The following SEMA3C variants were observed in gnomAD, a reference collection of about 807,000 sequenced individuals.
SEMA3C encodes semaphorin-3C.
SEMA3C carries 47 observed loss-of-function variants against 89.4 expected under a neutral mutation model. That is an observed-to-expected ratio of 0.53 (90% confidence interval 0.42 to 0.67). SEMA3C has a LOEUF of 0.67. Among genes scored for constraint, SEMA3C ranks in the 30% least tolerant of loss-of-function variants. The probability of loss-of-function intolerance (pLI) is 0.00; values close to 1 mark genes in which losing one functional copy is unlikely to be tolerated. For synonymous variants in SEMA3C, 310 were observed against 320.2 expected, an observed-to-expected ratio of 0.97 and a Z score of 0.34; for missense variants, 839 against 929.1, an observed-to-expected ratio of 0.90 and a Z score of 1.26.
chr7:80,880,328 A>G (rs1791303616), intron 2 of SEMA3C, among the ~76,000 whole-genome samples: 1 of 152,104 alleles, frequency 6.6e-6, no homozygotes, highest in Admixed American at 6.6e-5. Context: ...AGTGTTTTTT[A>G]TCTGTCTCCT....
chr7:80,867,945 G>C (rs1343910548), intron 2 of SEMA3C, among the ~76,000 whole-genome samples: 1 of 152,162 alleles, frequency 6.6e-6, no homozygotes, highest in African/African-American at 2.4e-5. Context: ...TGTCTAAAGA[G>C]GATGGCCATT....
chr7:80,789,394 A>C lies in SEMA3C; in HGVS notation c.1266T>G (p.Arg422=), dbSNP rs778543422. Residue 422 remains arginine (R), a synonymous_variant, in exon 12 of 18, where the codon CGT becomes CGG. Coordinates refer to ENST00000265361, the MANE Select transcript of SEMA3C (RefSeq NM_006379.5). ...YPIHKRPLIV[R]IGTDYKYTKI... ...TTGTATACTTGTAGTCAGTGCCAAT[A>C]CGAACAATCAAAGGCCTTTTGTGGA... The C allele has an allele frequency of 6.2e-7, 1 of 1,613,988 alleles. No homozygotes were observed. Among genetic ancestry groups the C allele is most frequent in the Admixed American group, 1.7e-5 (1 of 60,006 alleles).
At chr7:80,825,328 G>A (rs552083192) in intron 4 of SEMA3C, among the ~76,000 whole-genome samples, 10 of 152,184 alleles carry the variant, frequency 6.6e-5, no homozygotes, top group African/African-American at 2.4e-4. Flanking sequence ...AATGTTGTAT[G>A]GACAAACAAA....
upstream of SEMA3C, among the ~76,000 whole-genome samples, chr7:80,921,650 T>A (rs1386778824): frequency 3.3e-5 from 5 of 152,170 alleles, no homozygotes; most frequent in Non-Finnish European, 5.9e-5. Flanking sequence ...CACAACTAAA[T>A]TTAGAGAGCA....
chr7:80,881,519 A>G (rs541088517), intron 2 of SEMA3C, among the ~76,000 whole-genome samples: 1 of 152,302 alleles, frequency 6.6e-6, no homozygotes, highest in South Asian at 2.1e-4. Flanking sequence ...AATTTCTGGC[A>G]TCACTGGAGG....
At chr7:80,794,634 ACT>A (rs1410037917) in intron 11 of SEMA3C, among the ~76,000 whole-genome samples, 1 of 152,096 alleles carries the variant, frequency 6.6e-6, no homozygotes, top group Non-Finnish European at 1.5e-5. Flanking sequence ...GAAGCACATG[ACT>A]CTGTTATACT....
chr7:80,921,821 T>C (rs1326833894), upstream of SEMA3C, among the ~76,000 whole-genome samples: 3 of 152,192 alleles, frequency 2.0e-5, no homozygotes, highest in African/African-American at 7.2e-5. Flanking sequence ...TAATATTTTA[T>C]GTTTTTGATG....
At chr7:80,764,935 G>T (rs1427782894) in intron 13 of SEMA3C, among the ~76,000 whole-genome samples, 1 of 152,054 alleles carries the variant, frequency 6.6e-6, no homozygotes, top group Admixed American at 6.5e-5. Context: ...AAAACAGAAA[G>T]AATCCTTTTA....
chr7:80,870,642 T>C (rs915790754), intron 2 of SEMA3C, among the ~76,000 whole-genome samples: 1 of 152,196 alleles, frequency 6.6e-6, no homozygotes, highest in African/African-American at 2.4e-5. Context: ...TTACAAATGC[T>C]TAAACTGACG....
intron 2 of SEMA3C, among the ~76,000 whole-genome samples, chr7:80,897,733 A>G (rs987810969): frequency 7.2e-5 from 11 of 152,208 alleles, no homozygotes; most frequent in African/African-American, 2.7e-4. Flanking sequence ...AGAAATTCAG[A>G]AGGCTTCATT....
chr7:80,836,416 G>A (rs140015677), intron 2 of SEMA3C, among the ~76,000 whole-genome samples: 1,992 of 152,272 alleles, frequency 0.013, 16 homozygotes, highest in Middle Eastern at 0.034. Context: ...GGTGGCTCAC[G>A]CCTGTAATCC....
At chr7:80,809,998 C>A (rs1450874514) in intron 6 of SEMA3C, among the ~76,000 whole-genome samples, 1 of 151,998 alleles carries the variant, frequency 6.6e-6, no homozygotes, top group Non-Finnish European at 1.5e-5. Context: ...TCCAAGGAAT[C>A]AGTTTTAGTG....
chr7:80,773,402 G>A (rs560032959), intron 12 of SEMA3C, among the ~76,000 whole-genome samples: 3 of 152,156 alleles, frequency 2.0e-5, no homozygotes, highest in Non-Finnish European at 4.4e-5. Flanking sequence ...ACTTTTGGTA[G>A]AAACGTAATC....
intron 12 of SEMA3C, among the ~76,000 whole-genome samples, chr7:80,783,627 T>A (rs1174491685): frequency 1.3e-5 from 2 of 152,208 alleles, no homozygotes; most frequent in Non-Finnish European, 1.5e-5. Context: ...AAATTTTACA[T>A]GGGGTATTTT....
At chr7:80,885,792 C>A (rs889751936) in intron 2 of SEMA3C, among the ~76,000 whole-genome samples, 2 of 152,150 alleles carry the variant, frequency 1.3e-5, no homozygotes, top group African/African-American at 4.8e-5. Context: ...CCAGCATAGG[C>A]ACCTATAAAC....
rs112578984 is a variant in SEMA3C at position 80,833,417 on chromosome 7, C to T, written c.104-4672G>A. Among the ~76,000 whole-genome samples, 422 of 151,552 alleles carry T rather than the reference C, an allele frequency of 2.8e-3. 1 individual carries two copies. Among genetic ancestry groups the T allele is most frequent in the African/African-American group, 9.6e-3 (396 of 41,330 alleles). On this transcript the variant is annotated intron_variant, in intron 2 of 17. Coordinates refer to ENST00000265361, the MANE Select transcript of SEMA3C (RefSeq NM_006379.5). Reference sequence around the variant, plus strand: ...CGGAGGTTGCAGTGAGCCAAGATCACGCCATTGCACTCCAGCCTGGGGTGA... The same window carrying T: ...CGGAGGTTGCAGTGAGCCAAGATCATGCCATTGCACTCCAGCCTGGGGTGA...
upstream of SEMA3C, among the ~76,000 whole-genome samples, chr7:80,921,326 CA>C (rs1322095055): frequency 1.3e-5 from 2 of 152,072 alleles, no homozygotes; most frequent in African/African-American, 4.8e-5. Flanking sequence ...CAAAATGAAT[CA>C]TAAAAATACT....
chr7:80,786,690 T>A (rs755588075), intron 12 of SEMA3C, among the ~76,000 whole-genome samples: 5 of 152,242 alleles, frequency 3.3e-5, no homozygotes, highest in Non-Finnish European at 7.3e-5. Flanking sequence ...GCTTTTACAG[T>A]CACATTTATG....
intron 17 of SEMA3C, among the ~76,000 whole-genome samples, chr7:80,748,560 A>G (rs1787851012): frequency 6.6e-6 from 1 of 152,164 alleles, no homozygotes; most frequent in Non-Finnish European, 1.5e-5. Flanking sequence ...TATCTTGTGA[A>G]TCACACAAAG....
Sources: allele counts gnomAD v4.1 joint callset (sites outside exome capture counted in the v4.1 genomes callset), GRCh38; gene constraint gnomAD v4.1.1; transcripts MANE v1.5; gene names NCBI Gene and HGNC (gene_info 2026-07-23, HGNC 2026-07-21).